The following PROZ variants were observed in gnomAD, a reference collection of about 807,000 sequenced individuals.
PROZ encodes protein Z, vitamin K dependent plasma glycoprotein.
Under a neutral mutation model 34.9 loss-of-function variants are expected in PROZ, and 46 were observed. The observed-to-expected ratio is 1.32, with a 90% CI of 1.04 to 1.69. PROZ has a LOEUF of 1.69. Ranked by LOEUF, PROZ falls within the 40% of genes most tolerant of loss-of-function variation. The pLI is 0.00. For missense variants in PROZ, 530 were observed against 520.4 expected (o/e 1.02, Z -0.18); for synonymous variants, 195 against 208.5 (o/e 0.94, Z 0.56).
Position 113,171,165 on chromosome 13 carries a change from G to A in PROZ, c.692-429G>A, listed in dbSNP as rs539428499. On this transcript the variant is annotated intron_variant, in intron 7 of 7. Coordinates refer to ENST00000375547, the MANE Select transcript of PROZ (RefSeq NM_003891.3). The surrounding 1 kb of genome is among the most constrained non-coding windows in gnomAD (Gnocchi z 5.1). The stretch of plus-strand genomic sequence containing the variant: ...TCTTTACTCCTGGCCTTAAGTGATC[G>A]ACCTGCCTCGGCCTCCCGAAGCGCT... 1.2e-4 allele frequency among the ~76,000 whole-genome samples: 18 copies of A among 152,170 alleles called. No individual in the cohort carries two copies. The highest frequency in any genetic ancestry group is 2.1e-4 in the South Asian group (1 of 4,816).
At chr13:113,163,241 C>G (rs45538837) in intron 4 of PROZ, 119 bp downstream of exon 4, 9,871 of 875,082 alleles carry the variant, frequency 0.011, 73 homozygotes, top group Middle Eastern at 0.018. Context: ...CCTGTGTGAA[C>G]CGCGATTTGG....
rs146864768 is a variant in PROZ at position 113,160,128 on chromosome 13, T to A, written c.185T>A (p.Ile62Asn). The change falls in exon 2 of 8, where the codon ATC becomes AAC. Residue 62 changes from isoleucine to asparagine, a missense_variant. Transcript: ENST00000375547. ...GNLEKECYEE[I>N]CVYEEAREVF... ...TTGGAAAAAGAATGTTATGAAGAAA[T>A]CTGTGTCTATGAAGAAGCAAGAGAA... is the stretch of plus-strand genomic sequence containing the variant. 7.2e-4 allele frequency: 1,158 copies of A among 1,614,098 alleles called. No individual in the cohort carries two copies. Among genetic ancestry groups the A allele is most frequent in the Non-Finnish European group, 9.3e-4 (1,096 of 1,180,032 alleles).
chr13:113,158,980 G>GC lies in PROZ; in HGVS notation c.70+252dup, dbSNP rs1269574019. 6.7e-6 allele frequency among the ~76,000 whole-genome samples: 1 copy of GC among 149,470 alleles called. No homozygotes were observed. Among genetic ancestry groups the GC allele is most frequent in the Non-Finnish European group, 1.5e-5 (1 of 67,268 alleles). Reference sequence around the variant, plus strand: ...AAGAAGCCTGTGTGCAGGGGATTCAGCCGGGAAAGGCCGGGGAGAGGGGAG... The same window carrying GC: ...AAGAAGCCTGTGTGCAGGGGATTCAGCCCGGGAAAGGCCGGGGAGAGGGGAG... On this transcript the variant is annotated intron_variant, in intron 1 of 7. Coordinates refer to ENST00000375547, the MANE Select transcript of PROZ (RefSeq NM_003891.3). This position sits in a 1 kb window ranked among gnomAD's most constrained non-coding sequence, Gnocchi z 4.3.
In PROZ at chr13:113,163,014, TC is replaced by T. The variant is rs1207468118; in HGVS notation, c.269del (p.Pro90ArgfsTer87). The T allele has an allele frequency of 1.3e-6, 2 of 1,514,136 alleles. No homozygotes were observed. Among genetic ancestry groups the T allele is most frequent in the East Asian group, 2.5e-5 (1 of 39,574 alleles). 93.8% of individuals were successfully genotyped at this position (1,514,136 alleles called of 1,614,324 possible). On this transcript the variant is annotated frameshift_variant, in exon 4 of 8. Coordinates refer to ENST00000375547, the MANE Select transcript of PROZ (RefSeq NM_003891.3). LOFTEE classifies it high-confidence loss of function. ...DEFWRRYKGG[S>X]PCISQPCLHN... Reference sequence around the variant, plus strand: ...CCCCCATCCTCCTCCTGCAGGCGGCTCCCCGTGCATCTCCCAGCCCTGCCTC... The same window carrying T: ...CCCCCATCCTCCTCCTGCAGGCGGCTCCCGTGCATCTCCCAGCCCTGCCTC...
At chr13:113,161,674 C>A (rs1210555428) in intron 3 of PROZ, among the ~76,000 whole-genome samples, 1 of 152,084 alleles carries the variant, frequency 6.6e-6, no homozygotes, top group Non-Finnish European at 1.5e-5. Context: ...GCCTTACATC[C>A]GGAGCGGGGA....
rs2036936463 is a variant in PROZ at position 113,166,470 on chromosome 13, G to A, written c.573+1350G>A. 5.9e-5 allele frequency: 9 copies of A among 152,150 alleles called. 1 individual carries two copies. In the South Asian group the frequency reaches 1.4e-3, roughly 25 times the overall value. The allele number at this position is 152,150 out of a possible 1,614,324, so 9.4% of individuals were successfully genotyped here. ...AGGTTTCTGTGTGTGACACCCGTCA[G>A]TTTCACCCGACTCTTACAAGACAGC... is the stretch of plus-strand genomic sequence containing the variant. On this transcript the variant is annotated intron_variant, in intron 6 of 7. Transcript: ENST00000375547.
At chr13:113,163,387 C>A (rs1046372442) in intron 4 of PROZ, among the ~76,000 whole-genome samples, 1 of 151,756 alleles carries the variant, frequency 6.6e-6, no homozygotes, top group African/African-American at 2.4e-5. Context: ...CCTCCCCCCA[C>A]CACCTCAACC....
intron 5 of PROZ, 134 bp downstream of exon 5, chr13:113,164,778 C>A (rs892757343): frequency 7.2e-7 from 1 of 1,386,926 alleles, no homozygotes. Context: ...AGGTGGTCCG[C>A]GTCTCCACGC....
chr13:113,170,974 G>A (rs1398926368), intron 7 of PROZ, among the ~76,000 whole-genome samples: 1 of 151,696 alleles, frequency 6.6e-6, no homozygotes, highest in East Asian at 1.9e-4. Context: ...TCAGGCTGGA[G>A]TGCAGTGGCA....
chr13:113,170,188 G>A (rs550048438), intron 6 of PROZ, among the ~76,000 whole-genome samples: 1 of 152,004 alleles, frequency 6.6e-6, no homozygotes, highest in East Asian at 1.9e-4. Context: ...GGGAAGTGCC[G>A]GCCCCATTTA....
At chr13:113,166,682 A>C (rs1388297450) in intron 6 of PROZ, among the ~76,000 whole-genome samples, 2 of 152,202 alleles carry the variant, frequency 1.3e-5, no homozygotes, top group African/African-American at 4.8e-5. Context: ...ACTTCCTCTC[A>C]ATCTTTTATC....
intron 6 of PROZ, among the ~76,000 whole-genome samples, chr13:113,168,882 C>T (rs532193755): frequency 6.6e-6 from 1 of 152,238 alleles, no homozygotes; most frequent in South Asian, 2.1e-4. Context: ...GTGTGCACGA[C>T]CACACACAGC....
Position 113,158,728 on chromosome 13 carries a change from C to T in PROZ, c.68C>T (p.Ser23Leu). The change falls in exon 1 of 8, where the codon TCA (serine) becomes TTA (leucine). Residue 23 changes from serine (S) to leucine (L), a missense_variant and splice_region_variant. Coordinates refer to ENST00000375547, the MANE Select transcript of PROZ (RefSeq NM_003891.3). The surrounding 1 kb of genome is among the most constrained non-coding windows in gnomAD (Gnocchi z 4.3). ...CTCGCCCTCCATCGTGTGGAGCCCTCAGGTAGGCATCTGGCTTACCTGTCT... is the reference window on the plus strand; with the variant it reads ...CTCGCCCTCCATCGTGTGGAGCCCTTAGGTAGGCATCTGGCTTACCTGTCT... The part of the protein sequence containing the change: ...LVLALHRVEP[S>L]VFLPASKAND... The T allele has an allele frequency of 6.2e-7, 1 of 1,602,890 alleles. No homozygotes were observed. Among genetic ancestry groups the T allele is most frequent in the Non-Finnish European group, 8.5e-7 (1 of 1,175,240 alleles).
intron 7 of PROZ, among the ~76,000 whole-genome samples, chr13:113,170,945 CAG>C (rs1012109124): frequency 3.3e-5 from 5 of 150,360 alleles, no homozygotes; most frequent in Non-Finnish European, 5.9e-5. Flanking sequence ...TTTTTTGAGA[CAG>C]AGTCTCACTC....
chr13:113,165,116 G>A lies in PROZ; in HGVS notation c.569G>A (p.Trp190Ter). The part of the protein sequence containing the change: ...KRAPDLQDLP[W>*]QVKLTNSEGK... ...GCACCGGATCTACAGGACCTCCCGT[G>A]GCAGGTAACAGAGCGCTCTCCGCGT... Residue 190 changes from tryptophan (W) to a stop codon, truncating the protein, a stop_gained, in exon 6 of 8, where the codon TGG becomes TAG. Transcript: ENST00000375547. LOFTEE classifies it high-confidence loss of function. The A allele has an allele frequency of 6.2e-7, 1 of 1,611,532 alleles. No homozygotes were observed.
Position 113,159,390 on chromosome 13 carries a change from GAGCCCCCCCTGCTGTAACCCTC to G in PROZ, c.71-620_71-599del. The G allele has an allele frequency of 2.0e-6, 2 of 998,560 alleles. No homozygotes were observed. Among genetic ancestry groups the G allele is most frequent in the South Asian group, 3.0e-5 (2 of 66,728 alleles). 61.9% of individuals were successfully genotyped at this position (998,560 alleles called of 1,614,324 possible). On this transcript the variant is annotated intron_variant, in intron 1 of 7. Transcript: ENST00000375547. This position sits in a 1 kb window ranked among gnomAD's most constrained non-coding sequence, Gnocchi z 4.6. ...GCACTTACCGTAGCCGGACTTAGCT[GAGCCCCCCCTGCTGTAACCCTC>G]AGCACCGAGAGAAAAGGAGGGAGGA...
intron 6 of PROZ, 23 bp downstream of exon 6, chr13:113,165,143 C>T (rs757478065): frequency 6.2e-7 from 1 of 1,601,168 alleles, no homozygotes; most frequent in South Asian, 1.1e-5. Flanking sequence ...TCTCCGCGTG[C>T]TTCAATTTAT....
At position 113,171,167 on chromosome 13, in the gene PROZ, C is replaced by T. The variant is rs766363996; in HGVS notation, c.692-427C>T. ...TTTACTCCTGGCCTTAAGTGATCGA[C>T]CTGCCTCGGCCTCCCGAAGCGCTGG... On this transcript the variant is annotated intron_variant, in intron 7 of 7. Transcript: ENST00000375547. The surrounding 1 kb of genome is among the most constrained non-coding windows in gnomAD (Gnocchi z 5.1). 1.2e-4 allele frequency among the ~76,000 whole-genome samples: 18 copies of T among 152,184 alleles called. No homozygotes were observed. The highest frequency in any genetic ancestry group is 1.9e-4 in the Non-Finnish European group (13 of 68,038).
At position 113,171,790 on chromosome 13, in the gene PROZ, CA is replaced by C. The variant is rs765107845; in HGVS notation, c.889del (p.Arg297GlyfsTer18). ...FAEHLLIPRT[R>X]GLLSGWARNG... is the part of the protein sequence containing the mutation. ...CTGAGCACCTCCTCATCCCACGCAC[CA>C]GGGGCCTCCTCAGCGGCTGGGCACG... is the stretch of plus-strand genomic sequence containing the variant. On this transcript the variant is annotated frameshift_variant, in exon 8 of 8. Transcript: ENST00000375547. LOFTEE classifies it low-confidence loss of function (END_TRUNC). This position sits in a 1 kb window ranked among gnomAD's most constrained non-coding sequence, Gnocchi z 5.1. 11 of 1,613,318 alleles carry C rather than the reference CA, an allele frequency of 6.8e-6. No homozygotes were observed. Among genetic ancestry groups the C allele is most frequent in the Non-Finnish European group, 8.5e-6 (10 of 1,179,780 alleles).
Sources: allele counts gnomAD v4.1 joint callset (sites outside exome capture counted in the v4.1 genomes callset), GRCh38; gene constraint gnomAD v4.1.1; non-coding constraint Gnocchi (gnomAD v3.1); transcripts MANE v1.5; gene names NCBI Gene and HGNC (gene_info 2026-07-23, HGNC 2026-07-21).